KCNQ5: variants seen among roughly 807,000 people sequenced by gnomAD.
KCNQ5 encodes the protein potassium voltage-gated channel subfamily KQT member 5.
KCNQ5 carries 30 observed loss-of-function variants against 98.2 expected under a neutral mutation model. The ratio of observed to expected loss-of-function variants is 0.31; its 90% CI spans 0.23 to 0.41. KCNQ5 has a LOEUF of 0.41. Among genes scored for constraint, KCNQ5 ranks in the 10% least tolerant of loss-of-function variants. The pLI is 1.00. For missense variants in KCNQ5, 835 were observed against 1,182.5 expected (o/e 0.71, Z 4.31); for synonymous variants, 458 against 449.4 (o/e 1.02, Z -0.24).
intron 3 of KCNQ5, among the ~76,000 whole-genome samples, chr6:73,059,478 G>A (rs925634075): frequency 1.3e-5 from 2 of 152,072 alleles, no homozygotes; most frequent in Admixed American, 6.6e-5. Flanking sequence ...TTTTACCTGC[G>A]TGATGAAATA....
chr6:72,996,147 G>C (rs1320376345), intron 1 of KCNQ5, among the ~76,000 whole-genome samples: 1 of 152,192 alleles, frequency 6.6e-6, no homozygotes, highest in Non-Finnish European at 1.5e-5. Context: ...ATATAATACA[G>C]TGAAAGTAAG....
intron 2 of KCNQ5, among the ~76,000 whole-genome samples, chr6:73,017,415 T>C (rs1193634561): frequency 6.6e-6 from 1 of 152,050 alleles, no homozygotes; most frequent in Non-Finnish European, 1.5e-5. Flanking sequence ...TATAGGTTAC[T>C]ACTGATCATG....
intron 1 of KCNQ5, among the ~76,000 whole-genome samples, chr6:72,964,658 T>C (rs1359691795): frequency 6.6e-6 from 1 of 152,198 alleles, no homozygotes; most frequent in Non-Finnish European, 1.5e-5. Flanking sequence ...ATTTTGAAAT[T>C]TATATGTAAT....
At chr6:72,683,595 C>T (rs1050414936) in intron 1 of KCNQ5, among the ~76,000 whole-genome samples, 10 of 151,758 alleles carry the variant, frequency 6.6e-5, no homozygotes, top group Non-Finnish European at 1.3e-4. Flanking sequence ...TCTTGATTTC[C>T]TGAACTCATG....
At chr6:73,157,686 C>A in intron 10 of KCNQ5, 1 of 776,004 alleles carries the variant, frequency 1.3e-6, no homozygotes, top group South Asian at 1.3e-5. Context: ...GGGCCCAGGC[C>A]TCTGGGCATG....
intron 3 of KCNQ5, among the ~76,000 whole-genome samples, chr6:73,070,951 T>C (rs1409335033): frequency 6.6e-6 from 1 of 152,166 alleles, no homozygotes; most frequent in Non-Finnish European, 1.5e-5. Context: ...GATGTAAGTG[T>C]GCCAAAATAA....
intron 1 of KCNQ5, among the ~76,000 whole-genome samples, chr6:72,726,125 C>G (rs1770252857): frequency 6.7e-6 from 1 of 150,178 alleles, no homozygotes; most frequent in Non-Finnish European, 1.5e-5. Context: ...AATTAATTCA[C>G]AATAATAACA....
chr6:72,696,086 T>C (rs1768481434), intron 1 of KCNQ5, among the ~76,000 whole-genome samples: 5 of 152,256 alleles, frequency 3.3e-5, no homozygotes, highest in Admixed American at 2.6e-4. Context: ...CAAGTAAATT[T>C]GGGAGAATGT....
intron 1 of KCNQ5, among the ~76,000 whole-genome samples, chr6:72,763,479 A>G (rs1213390389): frequency 6.6e-6 from 1 of 152,076 alleles, no homozygotes; most frequent in South Asian, 2.1e-4. Context: ...CTTCTTTTAC[A>G]TAAGTGTATA....
At chr6:72,844,214 G>A (rs1371001903) in intron 1 of KCNQ5, among the ~76,000 whole-genome samples, 1 of 152,066 alleles carries the variant, frequency 6.6e-6, no homozygotes, top group Non-Finnish European at 1.5e-5. Flanking sequence ...CTTTTTGGAG[G>A]GAATGAGCTC....
At chr6:72,654,102 G>T (rs967095234) in intron 1 of KCNQ5, among the ~76,000 whole-genome samples, 4 of 151,938 alleles carry the variant, frequency 2.6e-5, no homozygotes, top group African/African-American at 9.7e-5. Flanking sequence ...AAATAGAAAT[G>T]ATCATCATTT....
At chr6:73,160,771 C>A (rs1211240134) in intron 10 of KCNQ5, among the ~76,000 whole-genome samples, 1 of 152,134 alleles carries the variant, frequency 6.6e-6, no homozygotes, top group African/African-American at 2.4e-5. Flanking sequence ...TGGTCTTTGC[C>A]CTTGGCTATA....
intron 1 of KCNQ5, among the ~76,000 whole-genome samples, chr6:72,899,602 T>C (rs1356054948): frequency 6.6e-6 from 1 of 152,144 alleles, no homozygotes; most frequent in Admixed American, 6.5e-5. Context: ...ACTTATTAGG[T>C]CAAACATATT....
rs1008088784 is a variant in KCNQ5, at chr6:73,066,431, T to C, written c.617-10891T>C. The stretch of plus-strand genomic sequence containing the variant: ...CATAAGCTCCATGAGGGCAGAAAAC[T>C]CTTCTCTTTTATTCACTGCTCTATA... On this transcript the variant is annotated intron_variant, in intron 3 of 13. Transcript: ENST00000370398. Among the ~76,000 whole-genome samples, 4 of 152,176 alleles carry C rather than the reference T, an allele frequency of 2.6e-5. No individual in the cohort carries two copies. The East Asian group carries it at 7.7e-4, about 29-fold the overall frequency.
chr6:72,645,120 G>T (rs905804712), intron 1 of KCNQ5, among the ~76,000 whole-genome samples: 1 of 150,066 alleles, frequency 6.7e-6, no homozygotes, highest in Non-Finnish European at 1.5e-5. Context: ...TGTAATCTTA[G>T]CACTGTGAGA....
chr6:73,070,538 CTTTG>C (rs1773255825), intron 3 of KCNQ5, among the ~76,000 whole-genome samples: 1 of 152,048 alleles, frequency 6.6e-6, no homozygotes, highest in African/African-American at 2.4e-5. Flanking sequence ...TGAAGGTGTT[CTTTG>C]TTTGGGGTTG....
chr6:73,149,827 G>A (rs1293262575), intron 10 of KCNQ5, among the ~76,000 whole-genome samples: 6 of 148,702 alleles, frequency 4.0e-5, no homozygotes, highest in African/African-American at 1.3e-4. Context: ...AGAGAGAGAG[G>A]GAGGGAGGAA....
intron 1 of KCNQ5, among the ~76,000 whole-genome samples, chr6:72,958,498 G>T (rs1429918718): frequency 6.6e-6 from 1 of 152,142 alleles, no homozygotes; most frequent in East Asian, 1.9e-4. Flanking sequence ...CATCAAACAT[G>T]TGCTCACTTT....
intron 1 of KCNQ5, among the ~76,000 whole-genome samples, chr6:72,786,596 G>A (rs1354924019): frequency 2.6e-5 from 4 of 152,128 alleles, no homozygotes; most frequent in African/African-American, 9.7e-5. Context: ...ATTACCCAGA[G>A]TCTAGATCTC....
Sources: allele counts gnomAD v4.1 joint callset (sites outside exome capture counted in the v4.1 genomes callset), GRCh38; gene constraint gnomAD v4.1.1; transcripts MANE v1.5; gene names NCBI Gene and HGNC (gene_info 2026-07-23, HGNC 2026-07-21).